RPTOR: variants seen among roughly 807,000 people sequenced by gnomAD.
RPTOR encodes regulatory associated protein of MTOR complex 1.
In RPTOR, 21 loss-of-function variants were observed where a neutral mutation model predicts 169.9. The observed-to-expected ratio is 0.12, with a 90% confidence interval of 0.09 to 0.18. The LOEUF is 0.18. Ranked by LOEUF, RPTOR falls within the 10% of genes least tolerant of loss-of-function variation. The probability of loss-of-function intolerance (pLI) is 1.00; values close to 1 mark genes in which losing one functional copy is unlikely to be tolerated. For synonymous variants in RPTOR, 732 were observed against 753.2 expected (o/e 0.97, Z 0.46); for missense variants, 1,133 against 1,855.9 (o/e 0.61, Z 7.16).
chr17:80,853,217 T>C (rs1464116861), intron 11 of RPTOR, among the ~76,000 whole-genome samples: 1 of 152,016 alleles, frequency 6.6e-6, no homozygotes, highest in Non-Finnish European at 1.5e-5. Flanking sequence ...GGCCTTTCCC[T>C]ATCCGGCCCC....
intron 20 of RPTOR, among the ~76,000 whole-genome samples, chr17:80,908,253 G>A (rs2068568767): frequency 1.3e-5 from 2 of 152,218 alleles, no homozygotes. Flanking sequence ...TGTTGGGTGA[G>A]TCGGGAGAGG....
intron 4 of RPTOR, among the ~76,000 whole-genome samples, chr17:80,719,930 TG>T (rs1352448324): frequency 1.3e-5 from 2 of 152,250 alleles, no homozygotes; most frequent in African/African-American, 2.4e-5. Flanking sequence ...ATTGGTTTTT[TG>T]TTTTTTTAAT....
chr17:80,553,914 A>G (rs541824254), intron 1 of RPTOR, among the ~76,000 whole-genome samples: 6 of 150,712 alleles, frequency 4.0e-5, no homozygotes, highest in Non-Finnish European at 8.9e-5. Context: ...GCTAATTTTC[A>G]TATTTTTAGT....
intron 1 of RPTOR, among the ~76,000 whole-genome samples, chr17:80,583,577 C>T (rs1461577213): frequency 7.3e-6 from 1 of 137,536 alleles, no homozygotes; most frequent in Non-Finnish European, 1.6e-5. Context: ...GCCTGTGCTA[C>T]CTCTGGGCCC....
chr17:80,859,415 T>C lies in RPTOR; in HGVS notation c.1509+1515T>C, dbSNP rs553995389. 5.9e-5 allele frequency among the ~76,000 whole-genome samples: 9 copies of C among 152,324 alleles called. No homozygotes were observed. In the South Asian group the frequency reaches 1.0e-3, roughly 18 times the overall value. ...GGATATGTTGCCCTCTGCAGGGTTG[T>C]TGGGGACAAAGATTTCCCAGAGATG... On this transcript the variant is annotated intron_variant, in intron 13 of 33. Coordinates refer to ENST00000306801, the MANE Select transcript of RPTOR (RefSeq NM_020761.3).
intron 15 of RPTOR, 111 bp downstream of exon 15, chr17:80,883,595 G>A: frequency 3.2e-6 from 4 of 1,248,550 alleles, no homozygotes; most frequent in East Asian, 2.3e-5. Context: ...TCCAGCAGAG[G>A]CTCTGACCCT....
At chr17:80,605,386 A>G (rs1019518585) in intron 1 of RPTOR, among the ~76,000 whole-genome samples, 1 of 152,052 alleles carries the variant, frequency 6.6e-6, no homozygotes, top group Non-Finnish European at 1.5e-5. Flanking sequence ...GAAGGTGGGG[A>G]GGTGGTGGGT....
At chr17:80,683,762 G>A (rs2065915348) in intron 3 of RPTOR, among the ~76,000 whole-genome samples, 1 of 152,116 alleles carries the variant, frequency 6.6e-6, no homozygotes. Flanking sequence ...GCTCACTCCT[G>A]TCCATGTGTT....
intron 17 of RPTOR, among the ~76,000 whole-genome samples, chr17:80,887,156 C>A (rs1046044133): frequency 2.6e-5 from 4 of 151,984 alleles, no homozygotes; most frequent in Non-Finnish European, 4.4e-5. Flanking sequence ...CGTCACTCAC[C>A]TGTGACCAAG....
At chr17:80,733,475 A>G (rs1259705589) in intron 5 of RPTOR, among the ~76,000 whole-genome samples, 2 of 152,208 alleles carry the variant, frequency 1.3e-5, no homozygotes, top group Non-Finnish European at 2.9e-5. Context: ...CTCTATGACC[A>G]AAGGCACCTC....
At chr17:80,825,409 T>A (rs2067431207) in intron 9 of RPTOR, among the ~76,000 whole-genome samples, 1 of 152,194 alleles carries the variant, frequency 6.6e-6, no homozygotes, top group Non-Finnish European at 1.5e-5. Flanking sequence ...AGAGACTGCT[T>A]TCTAGGACTG....
chr17:80,808,858 C>A (rs1256108044), intron 7 of RPTOR, among the ~76,000 whole-genome samples: 2 of 152,134 alleles, frequency 1.3e-5, no homozygotes, highest in African/African-American at 4.8e-5. Context: ...GTAGTGTGTT[C>A]CTGTTCATTA....
At chr17:80,853,477 T>C (rs2067817426) in intron 11 of RPTOR, among the ~76,000 whole-genome samples, 1 of 152,090 alleles carries the variant, frequency 6.6e-6, no homozygotes, top group Non-Finnish European at 1.5e-5. Flanking sequence ...TTAATGTCTG[T>C]CTCCCAGGCC....
At chr17:80,953,092 T>C (rs2069203651) in intron 28 of RPTOR, among the ~76,000 whole-genome samples, 1 of 152,098 alleles carries the variant, frequency 6.6e-6, no homozygotes. Flanking sequence ...CTCGATCTCC[T>C]GACCTCAGGT....
chr17:80,827,415 C>T lies in RPTOR; in HGVS notation c.1136+4192C>T, dbSNP rs150082475. ...GGTCCCATCAGGTTAAGGCTGCCTT[C>T]GCAGTTGAGACCACCCGCCGTCCCC... is the stretch of plus-strand genomic sequence containing the variant. On this transcript the variant is annotated intron_variant, in intron 9 of 33. Coordinates refer to ENST00000306801, the MANE Select transcript of RPTOR (RefSeq NM_020761.3). 3.1e-3 allele frequency among the ~76,000 whole-genome samples: 476 copies of T among 152,338 alleles called. 1 individual carries two copies. Among genetic ancestry groups the T allele is most frequent in the Non-Finnish European group, 5.0e-3 (341 of 68,032 alleles).
intron 9 of RPTOR, among the ~76,000 whole-genome samples, chr17:80,827,383 TGTGCAGG>T (rs1461419273): frequency 6.6e-6 from 1 of 152,220 alleles, no homozygotes; most frequent in Non-Finnish European, 1.5e-5. Flanking sequence ...CCAGGTTCTC[TGTGCAGG>T]GTCCCATCAG....
chr17:80,572,660 G>A (rs756096161), intron 1 of RPTOR, among the ~76,000 whole-genome samples: 12 of 152,116 alleles, frequency 7.9e-5, no homozygotes, highest in Non-Finnish European at 1.6e-4. Context: ...AGCAGTTCCA[G>A]GCTGCAGTGA....
At chr17:80,743,235 A>G (rs2066502679) in intron 5 of RPTOR, 1 of 985,194 alleles carries the variant, frequency 1.0e-6, no homozygotes, top group African/African-American at 1.7e-5. Flanking sequence ...TCAGTTCATT[A>G]GAGAAGTAAG....
intron 1 of RPTOR, among the ~76,000 whole-genome samples, chr17:80,603,552 A>C (rs987647841): frequency 6.6e-6 from 1 of 152,166 alleles, no homozygotes; most frequent in Non-Finnish European, 1.5e-5. Flanking sequence ...TCCTGCTTCC[A>C]GGATTTACTG....
Sources: allele counts gnomAD v4.1 joint callset (sites outside exome capture counted in the v4.1 genomes callset), GRCh38; gene constraint gnomAD v4.1.1; transcripts MANE v1.5; gene names NCBI Gene and HGNC (gene_info 2026-07-23, HGNC 2026-07-21).